Variants in CDC42BPA observed in about 807,000 individuals in gnomAD.
CDC42BPA encodes CDC42 binding protein kinase alpha.
Under a neutral mutation model 223.5 loss-of-function variants are expected in CDC42BPA, and 80 were observed. The ratio of observed to expected loss-of-function variants is 0.36; its 90% CI spans 0.30 to 0.43. The LOEUF is 0.43. Among genes scored for constraint, CDC42BPA ranks in the 20% least tolerant of loss-of-function variants. CDC42BPA has a pLI of 1.00. For synonymous variants in CDC42BPA, 694 were observed against 718.6 expected (o/e 0.97, Z 0.55); for missense variants, 1,743 against 2,099.9 (o/e 0.83, Z 3.32).
intron 16 of CDC42BPA, among the ~76,000 whole-genome samples, chr1:227,082,005 A>G (rs1190847345): frequency 2.0e-5 from 3 of 152,198 alleles, no homozygotes; most frequent in East Asian, 3.9e-4. Flanking sequence ...CATGATACCA[A>G]TAAGAAAACC....
chr1:227,149,882 T>C (rs1002370135), intron 6 of CDC42BPA, among the ~76,000 whole-genome samples: 1 of 152,140 alleles, frequency 6.6e-6, no homozygotes, highest in African/African-American at 2.4e-5. Flanking sequence ...TTAAATTTTT[T>C]CAAGAATGAT....
intron 2 of CDC42BPA, among the ~76,000 whole-genome samples, chr1:227,214,436 A>G (rs1370951670): frequency 1.3e-5 from 2 of 152,216 alleles, no homozygotes; most frequent in Non-Finnish European, 2.9e-5. Flanking sequence ...ATTTCAAACA[A>G]TTAAATTGTT....
intron 27 of CDC42BPA, among the ~76,000 whole-genome samples, chr1:227,031,812 T>A (rs1032762150): frequency 6.7e-6 from 1 of 149,258 alleles, no homozygotes; most frequent in Non-Finnish European, 1.5e-5. Context: ...CAACAACAAC[T>A]GACATTTATT....
At chr1:227,069,576 G>C (rs1197244539) in intron 21 of CDC42BPA, 7 of 387,218 alleles carry the variant, frequency 1.8e-5, no homozygotes, top group Non-Finnish European at 3.3e-5. Context: ...ATCTTTCTTA[G>C]ATGTTTTGTT....
chr1:227,093,723 T>C (rs1683488487), intron 15 of CDC42BPA, among the ~76,000 whole-genome samples: 2 of 152,194 alleles, frequency 1.3e-5, no homozygotes, highest in Non-Finnish European at 2.9e-5. Context: ...CTCTTTTTTG[T>C]TCTCTGGAGC....
chr1:227,235,082 C>A (rs1678749431), intron 2 of CDC42BPA: 1 of 152,122 alleles, frequency 6.6e-6, no homozygotes, highest in Non-Finnish European at 1.5e-5. Context: ...CAAGAATGGT[C>A]CAGCAGATGG....
intron 35 of CDC42BPA, among the ~76,000 whole-genome samples, chr1:227,001,985 A>T (rs1662965018): frequency 6.6e-6 from 1 of 152,178 alleles, no homozygotes; most frequent in South Asian, 2.1e-4. Flanking sequence ...AACCCAAAAA[A>T]ATCCTGGAGG....
intron 1 of CDC42BPA, among the ~76,000 whole-genome samples, chr1:227,267,055 T>C (rs1238725016): frequency 6.6e-6 from 1 of 152,198 alleles, no homozygotes; most frequent in South Asian, 2.1e-4. Context: ...TAAATGTCTA[T>C]AGAAGGATAT....
At chr1:227,063,129 T>C (rs1676277598) in intron 21 of CDC42BPA, among the ~76,000 whole-genome samples, 1 of 152,170 alleles carries the variant, frequency 6.6e-6, no homozygotes, top group African/African-American at 2.4e-5. Context: ...ACTATTTTTA[T>C]GTTTTCAACA....
At chr1:227,297,725 C>T (rs1423707392) in intron 1 of CDC42BPA, among the ~76,000 whole-genome samples, 1 of 151,754 alleles carries the variant, frequency 6.6e-6, no homozygotes, top group South Asian at 2.1e-4. Flanking sequence ...AAAATATCTA[C>T]AATATGTAGA....
intron 21 of CDC42BPA, among the ~76,000 whole-genome samples, chr1:227,056,839 A>G (rs925054408): frequency 8.5e-5 from 13 of 152,266 alleles, no homozygotes; most frequent in Admixed American, 8.5e-4. Context: ...AACTTATGAT[A>G]CAAAAACAGT....
chr1:227,298,391 T>C (rs1415360868), intron 1 of CDC42BPA, among the ~76,000 whole-genome samples: 1 of 152,150 alleles, frequency 6.6e-6, no homozygotes, highest in Non-Finnish European at 1.5e-5. Context: ...GTAAATAGTT[T>C]CTTTTACTTT....
At position 227,016,686 on chromosome 1, in the gene CDC42BPA, C is replaced by T. The variant is rs1011953866; in HGVS notation, c.4739+241G>A. On this transcript the variant is annotated intron_variant, in intron 33 of 36. Transcript: ENST00000366766. ...TCCAAAAATATGACTATTCCATATA[C>T]ATAGAGAAGTGAATGAAGTGAATAA... Among the ~76,000 whole-genome samples the T allele has an allele frequency of 2.0e-5, 3 of 152,068 alleles. No individual in the cohort carries two copies. The East Asian group carries it at 5.8e-4, about 29-fold the overall frequency.
chr1:227,110,106 C>T (rs1311262944), intron 14 of CDC42BPA, among the ~76,000 whole-genome samples: 1 of 152,014 alleles, frequency 6.6e-6, no homozygotes, highest in African/African-American at 2.4e-5. Context: ...TCTGTTAGGT[C>T]TAGTTGGTTA....
At chr1:227,024,562 C>T (rs991361258) in intron 31 of CDC42BPA, among the ~76,000 whole-genome samples, 2 of 152,100 alleles carry the variant, frequency 1.3e-5, no homozygotes, top group Admixed American at 6.5e-5. Flanking sequence ...AGGGAACAGA[C>T]AGTAGTGCTA....
intron 23 of CDC42BPA, among the ~76,000 whole-genome samples, chr1:227,041,657 C>T (rs1371256713): frequency 6.6e-6 from 1 of 152,150 alleles, no homozygotes; most frequent in Non-Finnish European, 1.5e-5. Flanking sequence ...AAAAACCTGA[C>T]TACCAGCATT....
intron 11 of CDC42BPA, among the ~76,000 whole-genome samples, chr1:227,124,120 A>G (rs191762099): frequency 6.6e-5 from 10 of 152,314 alleles, no homozygotes; most frequent in Admixed American, 6.5e-4. Flanking sequence ...TACTGGCAAT[A>G]AGCTTGGCAC....
chr1:227,166,818 A>G (rs1032892780), intron 5 of CDC42BPA, among the ~76,000 whole-genome samples: 1 of 152,162 alleles, frequency 6.6e-6, no homozygotes, highest in Non-Finnish European at 1.5e-5. Flanking sequence ...CTGAGTAAAG[A>G]AGGCTCTTAA....
At chr1:227,011,831 T>C (rs1172778234) in intron 34 of CDC42BPA, among the ~76,000 whole-genome samples, 1 of 152,218 alleles carries the variant, frequency 6.6e-6, no homozygotes, top group East Asian at 1.9e-4. Context: ...CCTTCTCTAA[T>C]GGGAATTTTC....
Sources: gnomAD v4.1 joint callset for allele counts (sites outside exome capture counted in the v4.1 genomes callset) on GRCh38, gnomAD v4.1.1 for gene constraint, MANE v1.5 for transcripts, NCBI Gene and HGNC (gene_info 2026-07-23, HGNC 2026-07-21) for gene names.